The following CDK14 variants were observed in gnomAD, a reference collection of about 807,000 sequenced individuals.
CDK14 encodes cyclin-dependent kinase 14.
A neutral mutation model predicts 60.7 loss-of-function variants in CDK14; 34 were observed. The ratio of observed to expected loss-of-function variants is 0.56; its 90% CI spans 0.43 to 0.75. CDK14 has a LOEUF of 0.75. Among genes scored for constraint, CDK14 ranks in the 30% least tolerant of loss-of-function variants. The pLI is 0.00. For synonymous variants in CDK14, 197 were observed against 203.7 expected, an observed-to-expected ratio of 0.97 and a Z score of 0.28; for missense variants, 482 against 564.1, an observed-to-expected ratio of 0.85 and a Z score of 1.47.
chr7:90,967,346 A>T (rs1794783002), intron 9 of CDK14, among the ~76,000 whole-genome samples: 1 of 152,174 alleles, frequency 6.6e-6, no homozygotes, highest in South Asian at 2.1e-4. Context: ...GTTTTACCAC[A>T]TGCCCTGCTT....
At chr7:90,848,233 C>T (rs1217433193) in intron 5 of CDK14, among the ~76,000 whole-genome samples, 1 of 152,168 alleles carries the variant, frequency 6.6e-6, no homozygotes, top group Non-Finnish European at 1.5e-5. Flanking sequence ...TCCCAAATAG[C>T]TGGGACTGCA....
At chr7:90,683,475 C>T (rs1465723361) in intron 2 of CDK14, among the ~76,000 whole-genome samples, 1 of 152,114 alleles carries the variant, frequency 6.6e-6, no homozygotes, top group Non-Finnish European at 1.5e-5. Context: ...CCCCATGGAC[C>T]CTGATTCCTC....
chr7:91,123,527 A>G (rs1405619246), intron 14 of CDK14, among the ~76,000 whole-genome samples: 1 of 152,124 alleles, frequency 6.6e-6, no homozygotes, highest in Non-Finnish European at 1.5e-5. Context: ...AGCACTTTGA[A>G]CCTCAAATGC....
intron 6 of CDK14, among the ~76,000 whole-genome samples, chr7:90,868,337 A>G (rs1017968728): frequency 1.3e-5 from 2 of 151,450 alleles, no homozygotes; most frequent in Non-Finnish European, 2.9e-5. Flanking sequence ...ATACACACAC[A>G]TTAATGGAGT....
chr7:90,912,657 G>C (rs1181486240), intron 7 of CDK14, among the ~76,000 whole-genome samples: 1 of 152,130 alleles, frequency 6.6e-6, no homozygotes, highest in Non-Finnish European at 1.5e-5. Flanking sequence ...GCTCAGGCTG[G>C]AATGCAGTGG....
At chr7:90,671,229 A>T (rs1305821195) in intron 2 of CDK14, among the ~76,000 whole-genome samples, 28 of 151,972 alleles carry the variant, frequency 1.8e-4, no homozygotes. Flanking sequence ...GATTTCCACC[A>T]TACTGAATTT....
intron 14 of CDK14, among the ~76,000 whole-genome samples, chr7:91,152,446 T>C (rs1458025333): frequency 6.6e-6 from 1 of 152,256 alleles, no homozygotes; most frequent in East Asian, 1.9e-4. Context: ...ATTTATCTAA[T>C]TCATTTCATT....
At chr7:91,150,821 C>T (rs1800809016) in intron 14 of CDK14, among the ~76,000 whole-genome samples, 1 of 152,124 alleles carries the variant, frequency 6.6e-6, no homozygotes, top group South Asian at 2.1e-4. Flanking sequence ...AAGGATAATA[C>T]ATTTTTATCT....
At chr7:90,889,509 A>C (rs1176172884) in intron 6 of CDK14, among the ~76,000 whole-genome samples, 2 of 152,230 alleles carry the variant, frequency 1.3e-5, no homozygotes, top group Non-Finnish European at 2.9e-5. Context: ...GGGACATGTA[A>C]GACACGTACA....
intron 14 of CDK14, among the ~76,000 whole-genome samples, chr7:91,160,434 T>A (rs17163649): frequency 3.3e-4 from 51 of 152,290 alleles, no homozygotes; most frequent in East Asian, 1.7e-3. Context: ...TTACCCAGAC[T>A]TAAAGAGCAG....
intron 6 of CDK14, among the ~76,000 whole-genome samples, chr7:90,873,124 A>G (rs1329528707): frequency 6.6e-6 from 1 of 152,104 alleles, no homozygotes; most frequent in Non-Finnish European, 1.5e-5. Flanking sequence ...TGCATGATTC[A>G]GGGGGTGGGT....
intron 10 of CDK14, among the ~76,000 whole-genome samples, chr7:91,018,296 A>C (rs1201429137): frequency 6.6e-6 from 1 of 152,152 alleles, no homozygotes; most frequent in East Asian, 1.9e-4. Context: ...CTGTATCATG[A>C]ACATAAGAGA....
rs74474997 is a variant in CDK14 at position 90,778,846 on chromosome 7, A to T, written c.465-11727A>T. Among the ~76,000 whole-genome samples, 173 of 127,954 alleles carry T rather than the reference A, an allele frequency of 1.4e-3. 1 individual carries two copies. Among genetic ancestry groups the T allele is most frequent in the African/African-American group, 4.9e-3 (158 of 32,524 alleles). The allele number at this position is 127,954 out of a possible 152,430, so 83.9% of individuals were successfully genotyped here. On this transcript the variant is annotated intron_variant, in intron 4 of 14. Coordinates refer to ENST00000380050, the MANE Select transcript of CDK14 (RefSeq NM_001287135.2). ...TCCTGTGGAATGTAAAAATTGACCG[A>T]CCTTCCTTCCTTCCTTCCTTCCTTC...
intron 2 of CDK14, among the ~76,000 whole-genome samples, chr7:90,644,639 A>T (rs764023053): frequency 3.3e-5 from 5 of 152,330 alleles, no homozygotes; most frequent in Middle Eastern, 3.4e-3. Context: ...GACTCTGTGA[A>T]ATCCTACACG....
chr7:91,057,862 T>A (rs1228546304), intron 11 of CDK14, among the ~76,000 whole-genome samples: 6 of 152,170 alleles, frequency 3.9e-5, no homozygotes, highest in South Asian at 2.1e-4. Context: ...TTTGTTCTTT[T>A]GGCTTAGGAT....
chr7:91,198,356 G>C (rs142175364), intron 14 of CDK14, among the ~76,000 whole-genome samples: 3 of 152,286 alleles, frequency 2.0e-5, no homozygotes, highest in East Asian at 1.9e-4. Context: ...TGCTAGCAGA[G>C]TTTACAGGTG....
intron 11 of CDK14, among the ~76,000 whole-genome samples, chr7:91,068,769 T>C (rs1021701655): frequency 7.0e-6 from 1 of 142,792 alleles, no homozygotes; most frequent in African/African-American, 2.7e-5. Flanking sequence ...CCTTCTGTAG[T>C]GTACTTTCCA....
intron 4 of CDK14, among the ~76,000 whole-genome samples, chr7:90,783,259 T>C (rs1460662404): frequency 6.6e-6 from 1 of 152,192 alleles, no homozygotes; most frequent in African/African-American, 2.4e-5. Flanking sequence ...CTTTTTGCAT[T>C]GTTAGTCACA....
At chr7:90,673,120 A>G (rs1045026485) in intron 2 of CDK14, among the ~76,000 whole-genome samples, 2 of 152,188 alleles carry the variant, frequency 1.3e-5, no homozygotes, top group Non-Finnish European at 2.9e-5. Context: ...CTAAGGAATT[A>G]TTAAATTAGT....
Sources: gnomAD v4.1 joint callset for allele counts (sites outside exome capture counted in the v4.1 genomes callset) on GRCh38, gnomAD v4.1.1 for gene constraint, MANE v1.5 for transcripts, NCBI Gene and HGNC (gene_info 2026-07-23, HGNC 2026-07-21) for gene names.